Variants in NCBP1 observed in about 807,000 individuals in gnomAD.
NCBP1 encodes the protein nuclear cap-binding protein subunit 1.
In NCBP1, 16 loss-of-function variants were observed where a neutral mutation model predicts 111.7. The ratio of observed to expected loss-of-function variants is 0.14; its 90% CI spans 0.10 to 0.22. NCBP1 has a LOEUF of 0.22. Among genes scored for constraint, NCBP1 ranks in the 10% least tolerant of loss-of-function variants. NCBP1 has a pLI of 1.00. For missense variants in NCBP1, 607 were observed against 957.5 expected, an observed-to-expected ratio of 0.63 and a Z score of 4.83; for synonymous variants, 304 against 314.3, an observed-to-expected ratio of 0.97 and a Z score of 0.35.
chr9:97,661,762 A>T lies in NCBP1; in HGVS notation c.1601-280A>T, dbSNP rs1428556658. 8.9e-5 allele frequency among the ~76,000 whole-genome samples: 13 copies of T among 145,468 alleles called. 1 individual carries two copies. In the East Asian group the frequency reaches 2.2e-3, roughly 24 times the overall value. On this transcript the variant is annotated intron_variant, in intron 16 of 22. Transcript: ENST00000375147. The stretch of plus-strand genomic sequence containing the variant: ...TTTTTTTTTTTTTTGGTATTAATAT[A>T]ATAGAGGCTATGAATAAGGAAACCT...
At chr9:97,667,030 C>T (rs966603133) in intron 20 of NCBP1, among the ~76,000 whole-genome samples, 153 bp downstream of exon 20, 1 of 152,100 alleles carries the variant, frequency 6.6e-6, no homozygotes, top group Non-Finnish European at 1.5e-5. Flanking sequence ...AATGCAGAAG[C>T]AGAAGAGGAG....
chr9:97,663,492 AT>A (rs1196019227), intron 18 of NCBP1, among the ~76,000 whole-genome samples: 6 of 151,482 alleles, frequency 4.0e-5, no homozygotes, highest in Non-Finnish European at 5.9e-5. Context: ...TGAAATTTAA[AT>A]TTTTTTTTGG....
chr9:97,645,286 T>C, intron 5 of NCBP1, 62 bp downstream of exon 5: 1 of 1,275,216 alleles, frequency 7.8e-7, no homozygotes, highest in Non-Finnish European at 1.1e-6. Context: ...ATCCTGGTAC[T>C]TCCATATAGT....
At chr9:97,668,728 T>C (rs1463177054) in intron 20 of NCBP1, 118 bp from the exon 21 acceptor site, 10 of 1,165,290 alleles carry the variant, frequency 8.6e-6, no homozygotes, top group Non-Finnish European at 1.2e-5. Flanking sequence ...GGGGGTACTT[T>C]CACTATAGAA....
At chr9:97,649,870 T>C in intron 8 of NCBP1, among the ~76,000 whole-genome samples, 1 of 151,962 alleles carries the variant, frequency 6.6e-6, no homozygotes, top group East Asian at 1.9e-4. Flanking sequence ...ATATATAAAA[T>C]ACATATTACT....
chr9:97,634,024 C>T, intron 1 of NCBP1, 109 bp downstream of exon 1: 1 of 1,301,680 alleles, frequency 7.7e-7, no homozygotes, highest in South Asian at 1.5e-5. Flanking sequence ...CGGGAACGTG[C>T]GGGGAGCCGC....
intron 14 of NCBP1, among the ~76,000 whole-genome samples, chr9:97,656,308 G>A (rs1035209326): frequency 1.2e-4 from 19 of 152,238 alleles, no homozygotes; most frequent in Non-Finnish European, 2.6e-4. Flanking sequence ...CAGGCCGGGC[G>A]CAGTGGCTCA....
At chr9:97,639,851 T>C (rs921124374) in intron 1 of NCBP1, among the ~76,000 whole-genome samples, 6 of 152,210 alleles carry the variant, frequency 3.9e-5, no homozygotes, top group Non-Finnish European at 8.8e-5. Flanking sequence ...TGTTTGAGGT[T>C]AATTTTTAGC....
rs1380356266 is a variant in NCBP1 at position 97,645,858 on chromosome 9, C to G, written c.611+126C>G. ...AAGGTATTTTCTAGGTAATCCTGTT[C>G]TCCTGCTGTTTTAACTCACTGAGAC... is the stretch of plus-strand genomic sequence containing the variant. On this transcript the variant is annotated intron_variant, in intron 6 of 22. Transcript: ENST00000375147. 5.1e-6 allele frequency: 6 copies of G among 1,181,612 alleles called. No individual in the cohort carries two copies. In the Admixed American group the frequency reaches 1.4e-4, roughly 27 times the overall value. The allele number at this position is 1,181,612 out of a possible 1,614,324, so 73.2% of individuals were successfully genotyped here. A position where few individuals can be genotyped will look rare whatever the true frequency, so the allele number is the denominator to read the frequency against.
rs1298310155 is a variant in NCBP1 at position 97,673,721 on chromosome 9, C to T, written c.*2522C>T. On this transcript the variant is annotated 3_prime_UTR_variant, in exon 23 of 23. Coordinates refer to ENST00000375147, the MANE Select transcript of NCBP1 (RefSeq NM_002486.5). ...AATATTCTGTTAAATTGTGCTGGTGCAATTTAACATGCTTTTGTCAAAGTA... is the reference window on the plus strand; with the variant it reads ...AATATTCTGTTAAATTGTGCTGGTGTAATTTAACATGCTTTTGTCAAAGTA... The T allele has an allele frequency of 6.6e-6, 1 of 152,168 alleles. No homozygotes were observed. The highest frequency in any genetic ancestry group is 1.5e-5 in the Non-Finnish European group (1 of 68,030). 9.4% of individuals were successfully genotyped at this position (152,168 alleles called of 1,614,324 possible). A position where few individuals can be genotyped will look rare whatever the true frequency, so the allele number is the denominator to read the frequency against.
At chr9:97,638,457 G>T (rs986844549) in intron 1 of NCBP1, among the ~76,000 whole-genome samples, 5 of 152,100 alleles carry the variant, frequency 3.3e-5, no homozygotes, top group Admixed American at 6.5e-5. Context: ...AAAGGCTGTG[G>T]TATGATTCCA....
At chr9:97,657,526 A>G (rs1186123445) in intron 14 of NCBP1, among the ~76,000 whole-genome samples, 2 of 152,142 alleles carry the variant, frequency 1.3e-5, no homozygotes, top group African/African-American at 2.4e-5. Context: ...GGTCATGTCA[A>G]TATCTGCCAG....
intron 22 of NCBP1, chr9:97,669,960 T>G: frequency 8.3e-6 from 4 of 481,364 alleles, no homozygotes; most frequent in Non-Finnish European, 1.1e-5. Flanking sequence ...TCTCACTCTG[T>G]TGCCCAGGCT....
chr9:97,657,387 T>C (rs1827691283), intron 14 of NCBP1, among the ~76,000 whole-genome samples: 1 of 152,218 alleles, frequency 6.6e-6, no homozygotes, highest in African/African-American at 2.4e-5. Context: ...TGAAAGAGTC[T>C]AGACCTTACT....
intron 1 of NCBP1, among the ~76,000 whole-genome samples, chr9:97,637,640 GTCTGCGGGCTCAAGGCATGTTA>G (rs1827084196): frequency 6.6e-6 from 1 of 152,182 alleles, no homozygotes; most frequent in Admixed American, 6.5e-5. Context: ...CCTGTTTTAA[GTCTGCGGGCTCAAGGCATGTTA>G]TCTTTCAAGT....
chr9:97,650,054 G>C (rs1827457456), intron 8 of NCBP1, among the ~76,000 whole-genome samples: 1 of 152,144 alleles, frequency 6.6e-6, no homozygotes, highest in Non-Finnish European at 1.5e-5. Flanking sequence ...ATAATGCCAT[G>C]TAGGGAATAT....
At chr9:97,669,906 AC>A (rs762978505) in intron 22 of NCBP1, 200 bp downstream of exon 22, 6 of 586,714 alleles carry the variant, frequency 1.0e-5, no homozygotes, top group East Asian at 3.1e-5. Flanking sequence ...CCTAATTGCC[AC>A]CCCCCCAACA....
intron 21 of NCBP1, 82 bp downstream of exon 21, chr9:97,669,056 T>G (rs1828097100): frequency 2.5e-5 from 36 of 1,414,076 alleles, no homozygotes; most frequent in Non-Finnish European, 3.2e-5. Flanking sequence ...TATTTTTCAT[T>G]GTAAAAGGAA....
chr9:97,644,252 T>G (rs1181654069), intron 4 of NCBP1, among the ~76,000 whole-genome samples: 9 of 152,206 alleles, frequency 5.9e-5, no homozygotes, highest in Non-Finnish European at 1.2e-4. Context: ...CTCTTTAGCC[T>G]GACCCTTTAT....
Sources: allele counts gnomAD v4.1 joint callset (sites outside exome capture counted in the v4.1 genomes callset), GRCh38; gene constraint gnomAD v4.1.1; transcripts MANE v1.5; gene names NCBI Gene and HGNC (gene_info 2026-07-23, HGNC 2026-07-21).